DNM3: variants seen among roughly 807,000 people sequenced by gnomAD.
DNM3 encodes the protein dynamin 3, also known as dynamin-3.
A neutral mutation model predicts 101.6 loss-of-function variants in DNM3; 47 were observed. That is an observed-to-expected ratio of 0.46 (90% CI 0.37 to 0.59). The LOEUF (loss-of-function observed/expected upper bound fraction) is 0.59. DNM3 is among the 20% of genes least tolerant of loss of function. The pLI, the probability that DNM3 is intolerant of heterozygous loss-of-function variation, is 0.00. For synonymous variants in DNM3, 385 were observed against 387.9 expected, an observed-to-expected ratio of 0.99 and a Z score of 0.09; for missense variants, 849 against 1,085.7, an observed-to-expected ratio of 0.78 and a Z score of 3.06.
intron 16 of DNM3, chr1:172,310,884 T>C (rs1243150321): frequency 1.3e-5 from 2 of 152,186 alleles, no homozygotes; most frequent in East Asian, 3.8e-4. Flanking sequence ...TCATTATGGT[T>C]GAGAATGATG....
At chr1:172,332,679 G>A (rs1205341532) in intron 17 of DNM3, among the ~76,000 whole-genome samples, 1 of 152,108 alleles carries the variant, frequency 6.6e-6, no homozygotes, top group African/African-American at 2.4e-5. Context: ...TATCACTATG[G>A]CAGACAAAAT....
At chr1:171,970,229 A>C (rs2043894044) in intron 2 of DNM3, 2 of 554,324 alleles carry the variant, frequency 3.6e-6, no homozygotes, top group Non-Finnish European at 4.6e-6. Context: ...ACTCAGAACT[A>C]CTGAAGAATA....
intron 15 of DNM3, among the ~76,000 whole-genome samples, chr1:172,304,162 T>A (rs1573378785): frequency 7.6e-6 from 1 of 132,158 alleles, no homozygotes; most frequent in African/African-American, 2.9e-5. Context: ...ACACATAGGC[T>A]CAAAATAAAG....
intron 4 of DNM3, among the ~76,000 whole-genome samples, chr1:171,993,815 C>A (rs2045809825): frequency 1.3e-5 from 2 of 151,982 alleles, no homozygotes; most frequent in Non-Finnish European, 2.9e-5. Context: ...CTGGGAGGAA[C>A]AATCTCAATT....
chr1:171,968,267 T>C (rs1233623527), intron 2 of DNM3, among the ~76,000 whole-genome samples: 1 of 152,190 alleles, frequency 6.6e-6, no homozygotes, highest in Non-Finnish European at 1.5e-5. Flanking sequence ...TTTCTTCTGA[T>C]ACTGAAAACT....
intron 14 of DNM3, among the ~76,000 whole-genome samples, chr1:172,227,271 G>GATATAT (rs140087796): frequency 0.056 from 4,323 of 77,612 alleles, 239 homozygotes; most frequent in East Asian, 0.069. Context: ...AGTATTTTGT[G>GATATAT]ATATATATAT....
chr1:171,931,316 A>G (rs568331530), intron 2 of DNM3, among the ~76,000 whole-genome samples: 3 of 152,326 alleles, frequency 2.0e-5, no homozygotes, highest in African/African-American at 7.2e-5. Flanking sequence ...AACCATTTTT[A>G]TAATGTTATA....
intron 18 of DNM3, chr1:172,380,987 A>C (rs1351848658): frequency 1.3e-5 from 2 of 151,596 alleles, no homozygotes; most frequent in Non-Finnish European, 1.5e-5. Context: ...AAAGGAAAAA[A>C]AAAAAAAACA....
chr1:171,874,033 T>A lies in DNM3; in HGVS notation c.161+32216T>A, dbSNP rs544718460. ...CAGCTGAAGTATATATTAGAGTACA[T>A]TATTTAGTAAACGGTAGACAGTTCT... On this transcript the variant is annotated intron_variant, in intron 1 of 20. Coordinates refer to ENST00000627582, the MANE Select transcript of DNM3 (RefSeq NM_015569.5). 2.0e-5 allele frequency among the ~76,000 whole-genome samples: 3 copies of A among 152,326 alleles called. No individual in the cohort carries two copies. In the South Asian group the frequency reaches 6.2e-4, roughly 32 times the overall value.
At chr1:172,246,706 G>T (rs10911379) in intron 14 of DNM3, among the ~76,000 whole-genome samples, 1 of 152,074 alleles carries the variant, frequency 6.6e-6, no homozygotes, top group Non-Finnish European at 1.5e-5. Flanking sequence ...TTACTCTGGC[G>T]GGCAATCCAG....
At chr1:172,414,862 A>T (rs2071373269), downstream of DNM3, among the ~76,000 whole-genome samples, 1 of 150,720 alleles carries the variant, frequency 6.6e-6, no homozygotes. Context: ...TCAGCCCAAG[A>T]GTTTGAGACC....
At chr1:172,107,979 G>T (rs1218382740) in intron 13 of DNM3, among the ~76,000 whole-genome samples, 1 of 151,744 alleles carries the variant, frequency 6.6e-6, no homozygotes, top group East Asian at 1.9e-4. Flanking sequence ...AGCTTATGTT[G>T]ATCAGAGCAG....
In DNM3 at chr1:171,906,372, C is replaced by A. The variant is rs865930348; in HGVS notation, c.162-15376C>A. On this transcript the variant is annotated intron_variant, in intron 1 of 20. Transcript: ENST00000627582. ...TGAACTCCTGGACCCAAGGGATCCTCCTGTCTCAGCCTCTCAAACTCCTGA... is the reference window on the plus strand; with the variant it reads ...TGAACTCCTGGACCCAAGGGATCCTACTGTCTCAGCCTCTCAAACTCCTGA... Among the ~76,000 whole-genome samples, 8 of 152,152 alleles carry A rather than the reference C, an allele frequency of 5.3e-5. 1 individual carries two copies. The highest frequency in any genetic ancestry group is 6.8e-3 in the Middle Eastern group (2 of 294).
At chr1:171,850,310 G>A (rs1311846205) in intron 1 of DNM3, among the ~76,000 whole-genome samples, 1 of 152,042 alleles carries the variant, frequency 6.6e-6, no homozygotes, top group East Asian at 1.9e-4. Flanking sequence ...ATCAGTTTTA[G>A]CTCTGAGCTA....
intron 15 of DNM3, among the ~76,000 whole-genome samples, chr1:172,284,087 C>T (rs1402966817): frequency 1.3e-5 from 2 of 152,164 alleles, no homozygotes; most frequent in African/African-American, 2.4e-5. Flanking sequence ...ACAGCTGCTA[C>T]GTTTTCCTGG....
At chr1:172,190,409 T>TTC (rs2059673834) in intron 14 of DNM3, among the ~76,000 whole-genome samples, 1 of 152,170 alleles carries the variant, frequency 6.6e-6, no homozygotes, top group African/African-American at 2.4e-5. Flanking sequence ...ATCCAGTCTA[T>TTC]CATTGATGGA....
intron 11 of DNM3, among the ~76,000 whole-genome samples, chr1:172,072,273 G>A (rs755638626): frequency 3.3e-5 from 5 of 151,998 alleles, no homozygotes; most frequent in Non-Finnish European, 5.9e-5. Flanking sequence ...GCTTCCTAAT[G>A]TTTCAGTTTT....
At chr1:172,046,331 C>T (rs2049797874) in intron 9 of DNM3, among the ~76,000 whole-genome samples, 1 of 152,134 alleles carries the variant, frequency 6.6e-6, no homozygotes, top group South Asian at 2.1e-4. Context: ...CACATGTTCT[C>T]ACTCATAGAT....
intron 14 of DNM3, among the ~76,000 whole-genome samples, chr1:172,223,272 C>CTTTTTTTTTTTT (rs398049746): frequency 7.4e-6 from 1 of 135,582 alleles, no homozygotes. Context: ...TTTTTCTTTT[C>CTTTTTTTTTTTT]TTTTTTTTTT....
Sources: gnomAD v4.1 joint callset for allele counts (sites outside exome capture counted in the v4.1 genomes callset) on GRCh38, gnomAD v4.1.1 for gene constraint, MANE v1.5 for transcripts, NCBI Gene and HGNC (gene_info 2026-07-23, HGNC 2026-07-21) for gene names.